CNTN4: variants seen among roughly 807,000 people sequenced by gnomAD.
CNTN4 encodes the protein contactin 4, also known as contactin-4.
Under a neutral mutation model 122.5 loss-of-function variants are expected in CNTN4, and 77 were observed. That is an observed-to-expected ratio of 0.63 (90% CI 0.52 to 0.76). The LOEUF is 0.76. Ranked by LOEUF, CNTN4 falls within the 30% of genes least tolerant of loss-of-function variation. CNTN4 has a pLI of 0.00. For missense variants in CNTN4, 1,256 were observed against 1,259.1 expected, an observed-to-expected ratio of 1.00 and a Z score of 0.04; for synonymous variants, 512 against 447.0, an observed-to-expected ratio of 1.15 and a Z score of -1.83.
chr3:2,306,160 TG>T (rs1171653439), intron 2 of CNTN4, among the ~76,000 whole-genome samples: 3 of 152,202 alleles, frequency 2.0e-5, no homozygotes. Context: ...GTGGAATTGC[TG>T]GGTCATATGG....
chr3:3,023,991 A>G (rs919675919), intron 14 of CNTN4, among the ~76,000 whole-genome samples: 2 of 152,218 alleles, frequency 1.3e-5, no homozygotes, highest in East Asian at 1.9e-4. Context: ...AATAGTACCT[A>G]TTTGTTAGGA....
chr3:2,995,199 C>G (rs1371034178), intron 14 of CNTN4, among the ~76,000 whole-genome samples: 1 of 151,986 alleles, frequency 6.6e-6, no homozygotes, highest in Non-Finnish European at 1.5e-5. Flanking sequence ...GTAGGAGAAT[C>G]TTAAAAGAAG....
intron 3 of CNTN4, among the ~76,000 whole-genome samples, chr3:2,447,396 G>A (rs1575651637): frequency 6.6e-6 from 1 of 152,076 alleles, no homozygotes; most frequent in Non-Finnish European, 1.5e-5. Context: ...CAATCATTAA[G>A]TTGATATCAG....
chr3:2,607,238 C>A (rs1467130730), intron 4 of CNTN4, among the ~76,000 whole-genome samples: 1 of 152,092 alleles, frequency 6.6e-6, no homozygotes, highest in Non-Finnish European at 1.5e-5. Context: ...TTTGAACATT[C>A]CACTGAAGTT....
chr3:2,793,144 AACAAATTC>A (rs1006895323), intron 6 of CNTN4, among the ~76,000 whole-genome samples: 2 of 152,148 alleles, frequency 1.3e-5, no homozygotes, highest in African/African-American at 4.8e-5. Context: ...TTCAAATGAA[AACAAATTC>A]ACAATTAGCT....
chr3:2,534,792 C>T (rs1202819368), intron 3 of CNTN4, among the ~76,000 whole-genome samples: 2 of 102,458 alleles, frequency 2.0e-5, no homozygotes, highest in Non-Finnish European at 4.6e-5. Context: ...CTCTTGAGGA[C>T]TGGCACACCA....
chr3:2,612,107 T>TACACAC (rs58025362), intron 4 of CNTN4, among the ~76,000 whole-genome samples: 201 of 150,208 alleles, frequency 1.3e-3, no homozygotes, highest in Middle Eastern at 3.5e-3. Context: ...ATACATATAA[T>TACACAC]ACACACACAC....
chr3:2,166,487 C>A (rs1264241417), intron 2 of CNTN4, among the ~76,000 whole-genome samples: 1 of 151,944 alleles, frequency 6.6e-6, no homozygotes, highest in South Asian at 2.1e-4. Context: ...CACCTGACAG[C>A]CAAATTTGGT....
intron 3 of CNTN4, among the ~76,000 whole-genome samples, chr3:2,461,595 G>A (rs939565580): frequency 2.6e-4 from 40 of 152,276 alleles, no homozygotes; most frequent in Middle Eastern, 3.4e-3. Flanking sequence ...CAACATCTGG[G>A]CTGCTCTCTG....
chr3:2,198,654 C>T (rs2037956429), intron 2 of CNTN4, among the ~76,000 whole-genome samples: 1 of 152,060 alleles, frequency 6.6e-6, no homozygotes, highest in Non-Finnish European at 1.5e-5. Context: ...AAATATATTT[C>T]CTCCTCTCCC....
chr3:2,775,969 C>T (rs769704772), intron 6 of CNTN4, among the ~76,000 whole-genome samples: 3 of 152,228 alleles, frequency 2.0e-5, no homozygotes, highest in Non-Finnish European at 4.4e-5. Flanking sequence ...TCAGCCCGAA[C>T]TGACCCCTTC....
intron 17 of CNTN4, 137 bp from the exon 18 acceptor site, chr3:3,037,042 G>C (rs1421508394): frequency 1.0e-6 from 1 of 987,564 alleles, no homozygotes; most frequent in African/African-American, 1.6e-5. Flanking sequence ...TGTTGATGCA[G>C]CTAATATCAG....
intron 2 of CNTN4, among the ~76,000 whole-genome samples, chr3:2,301,478 A>G (rs974498331): frequency 7.2e-5 from 11 of 152,230 alleles, no homozygotes; most frequent in African/African-American, 2.7e-4. Context: ...GTTCTGCTCT[A>G]TATCAAGAAT....
At chr3:2,163,819 G>A (rs1559301074) in intron 2 of CNTN4, among the ~76,000 whole-genome samples, 1 of 152,120 alleles carries the variant, frequency 6.6e-6, no homozygotes, top group African/African-American at 2.4e-5. Flanking sequence ...AAGTCAAAAT[G>A]ACTGTTATTA....
chr3:2,611,297 C>CAAAAAAAAAAAAAAAAAAAA (rs201162114), intron 4 of CNTN4, among the ~76,000 whole-genome samples: 14 of 62,310 alleles, frequency 2.2e-4, no homozygotes, highest in African/African-American at 2.6e-4. Flanking sequence ...CACCTGGAAC[C>CAAAAAAAAAAAAAAAAAAAA]AAAAAAAAAA....
intron 3 of CNTN4, among the ~76,000 whole-genome samples, chr3:2,417,001 G>T (rs1356315300): frequency 6.6e-6 from 1 of 152,140 alleles, no homozygotes; most frequent in Non-Finnish European, 1.5e-5. Context: ...TTTAGCAGAA[G>T]TCTCACAGTT....
At chr3:2,257,571 G>T (rs137897787) in intron 2 of CNTN4, among the ~76,000 whole-genome samples, 89 of 152,086 alleles carry the variant, frequency 5.9e-4, no homozygotes, top group African/African-American at 1.8e-3. Context: ...AATCTACAAA[G>T]AACTTAAAGA....
chr3:2,709,411 C>T lies in CNTN4; in HGVS notation c.56-26804C>T, dbSNP rs2086971264. 6.6e-6 allele frequency among the ~76,000 whole-genome samples: 1 copy of T among 151,952 alleles called. No individual in the cohort carries two copies. Among genetic ancestry groups the T allele is most frequent in the Admixed American group, 6.6e-5 (1 of 15,250 alleles). On this transcript the variant is annotated intron_variant, in intron 4 of 24. Coordinates refer to ENST00000418658, the MANE Select transcript of CNTN4 (RefSeq NM_175607.3). The surrounding 1 kb of genome is among the most constrained non-coding windows in gnomAD (Gnocchi z 5.0). ...TTGATTGGTAAGGGTACAACCTGTG[C>T]ACCAGGGATTTTCAAAGTTCCCTCA...
At chr3:2,688,130 A>T (rs1270729737) in intron 4 of CNTN4, among the ~76,000 whole-genome samples, 5 of 152,238 alleles carry the variant, frequency 3.3e-5, no homozygotes, top group Non-Finnish European at 5.9e-5. Context: ...TTAAAATATG[A>T]AAATACAGTA....
Sources: allele counts gnomAD v4.1 joint callset (sites outside exome capture counted in the v4.1 genomes callset), GRCh38; gene constraint gnomAD v4.1.1; non-coding constraint Gnocchi (gnomAD v3.1); transcripts MANE v1.5; gene names NCBI Gene and HGNC (gene_info 2026-07-23, HGNC 2026-07-21).